MAGT1: variants seen among roughly 807,000 people sequenced by gnomAD.
MAGT1 encodes dolichyl-diphosphooligosaccharide--protein glycosyltransferase subunit MAGT1.
MAGT1 carries 4 observed loss-of-function variants against 28.4 expected under a neutral mutation model. The ratio of observed to expected loss-of-function variants is 0.14; its 90% CI spans 0.07 to 0.32. The LOEUF (loss-of-function observed/expected upper bound fraction) is 0.32, where lower values mean the gene tolerates loss of function less well. Ranked by LOEUF, MAGT1 falls within the 10% of genes least tolerant of loss-of-function variation. The pLI is 1.00. For synonymous variants in MAGT1, 89 were observed against 89.7 expected (o/e 0.99, Z 0.04); for missense variants, 193 against 264.5 (o/e 0.73, Z 1.88).
At chrX:77,845,502 C>T (rs1444934022) in intron 7 of MAGT1, among the ~76,000 whole-genome samples, 1 of 111,451 alleles carries the variant, frequency 9.0e-6, no homozygotes, top group Non-Finnish European at 1.9e-5. Flanking sequence ...GGTTATTTTG[C>T]TCGTTAGTTG....
At chrX:77,863,867 CA>C (rs1445461068) in intron 3 of MAGT1, among the ~76,000 whole-genome samples, 1 of 110,320 alleles carries the variant, frequency 9.1e-6, no homozygotes, top group Non-Finnish European at 1.9e-5. Context: ...ACTAAAAATA[CA>C]AAAAAATTAG....
At chrX:77,838,876 T>C (rs2076927156) in intron 8 of MAGT1, among the ~76,000 whole-genome samples, 1 of 111,080 alleles carries the variant, frequency 9.0e-6, no homozygotes, top group Non-Finnish European at 1.9e-5. Flanking sequence ...AAATGACTAG[T>C]AAACATTTAG....
intron 8 of MAGT1, among the ~76,000 whole-genome samples, chrX:77,839,406 C>T (rs1290242729): frequency 7.7e-5 from 8 of 104,383 alleles, no homozygotes; most frequent in Admixed American, 3.1e-4. Flanking sequence ...TGCAATGGCA[C>T]GATCTCGGCT....
chrX:77,840,000 C>T (rs1557214257), intron 8 of MAGT1, among the ~76,000 whole-genome samples: 1 of 111,135 alleles, frequency 9.0e-6, no homozygotes, highest in East Asian at 2.8e-4. Context: ...TTTAACTTGC[C>T]AAAATAATCT....
intron 1 of MAGT1, among the ~76,000 whole-genome samples, chrX:77,894,621 C>A (rs1324284485): frequency 8.9e-6 from 1 of 111,877 alleles, no homozygotes; most frequent in Non-Finnish European, 1.9e-5. Flanking sequence ...AAATCACAAA[C>A]GTTTGAAAAC....
In MAGT1 at chrX:77,832,419, A is replaced by T. The variant is rs1375443596; in HGVS notation, c.902-1524T>A. On this transcript the variant is annotated intron_variant, in intron 8 of 9. Coordinates refer to ENST00000618282, the MANE Select transcript of MAGT1 (RefSeq NM_001367916.1). Reference sequence around the variant, plus strand: ...AGCTGATAAGCTGAAAAAAAAAAAAATTGCAGAAAAAAACCCTCATGATGT... The same window carrying T: ...AGCTGATAAGCTGAAAAAAAAAAAATTTGCAGAAAAAAACCCTCATGATGT... Among the ~76,000 whole-genome samples the T allele has an allele frequency of 4.5e-5, 5 of 111,143 alleles. 1 individual carries two copies. The East Asian group carries it at 1.4e-3, about 31-fold the overall frequency.
chrX:77,884,012 G>A (rs1248795046), intron 1 of MAGT1, among the ~76,000 whole-genome samples: 3 of 110,067 alleles, frequency 2.7e-5, no homozygotes, highest in Non-Finnish European at 5.7e-5. Flanking sequence ...GGCCAACATC[G>A]TGAAACCCCG....
intron 3 of MAGT1, among the ~76,000 whole-genome samples, chrX:77,868,885 C>A (rs1557217094): frequency 3.6e-5 from 4 of 111,099 alleles, no homozygotes; most frequent in African/African-American, 1.3e-4. Flanking sequence ...GATCCAGGGC[C>A]CAGGAAAAAG....
intron 3 of MAGT1, among the ~76,000 whole-genome samples, chrX:77,864,334 T>A (rs1188394053): frequency 9.1e-6 from 1 of 110,033 alleles, no homozygotes; most frequent in Non-Finnish European, 1.9e-5. Context: ...ACTCATACAG[T>A]TAGAAGGAGT....
At chrX:77,852,235 T>A (rs1010634755) in intron 7 of MAGT1, among the ~76,000 whole-genome samples, 2 of 112,454 alleles carry the variant, frequency 1.8e-5, no homozygotes, top group Non-Finnish European at 3.8e-5. Context: ...GGACTAGGTG[T>A]ATATTGTTAA....
chrX:77,840,615 G>T (rs1432145659), intron 8 of MAGT1, among the ~76,000 whole-genome samples: 1 of 111,592 alleles, frequency 9.0e-6, no homozygotes, highest in Non-Finnish European at 1.9e-5. Context: ...GGCTGAGGTG[G>T]GAAGATCACT....
At chrX:77,829,909 T>C (rs1282736488) in intron 9 of MAGT1, among the ~76,000 whole-genome samples, 1 of 112,744 alleles carries the variant, frequency 8.9e-6, no homozygotes, top group African/African-American at 3.2e-5. Flanking sequence ...CTAGAATACA[T>C]ATGAGATTTC....
intron 1 of MAGT1, among the ~76,000 whole-genome samples, chrX:77,883,018 A>G (rs189929098): frequency 3.5e-4 from 35 of 100,889 alleles, no homozygotes; most frequent in Non-Finnish European, 2.9e-4. Context: ...ATATATATAA[A>G]TTATATATTT....
intron 1 of MAGT1, among the ~76,000 whole-genome samples, chrX:77,888,089 C>T (rs2077072337): frequency 8.9e-6 from 1 of 111,991 alleles, no homozygotes; most frequent in African/African-American, 3.2e-5. Context: ...TGATTACAGG[C>T]ATGATCGACT....
intron 2 of MAGT1, among the ~76,000 whole-genome samples, chrX:77,875,185 T>C (rs1557217684): frequency 9.0e-6 from 1 of 111,029 alleles, no homozygotes; most frequent in East Asian, 2.8e-4. Context: ...ATTTATAAGA[T>C]GACTGTTTGA....
At chrX:77,875,140 G>C in intron 2 of MAGT1, among the ~76,000 whole-genome samples, 1 of 110,644 alleles carries the variant, frequency 9.0e-6, no homozygotes, top group Non-Finnish European at 1.9e-5. Flanking sequence ...TGGGATTACA[G>C]GCATGAGCCC....
intron 3 of MAGT1, among the ~76,000 whole-genome samples, chrX:77,870,076 G>A (rs1557217208): frequency 1.8e-5 from 2 of 112,165 alleles, no homozygotes; most frequent in East Asian, 5.6e-4. Context: ...GTCATAAGAA[G>A]GAATGAAATA....
At chrX:77,872,075 C>T (rs1263457199) in intron 2 of MAGT1, among the ~76,000 whole-genome samples, 1 of 109,253 alleles carries the variant, frequency 9.2e-6, no homozygotes, top group Non-Finnish European at 1.9e-5. Flanking sequence ...GACAGTCTCG[C>T]TCTGTGGCCC....
At position 77,870,705 on chromosome X, in the gene MAGT1, A is replaced by C. The variant is rs782082218; in HGVS notation, c.390+103T>G. 30 of 591,532 alleles carry C rather than the reference A, an allele frequency of 5.1e-5. No individual in the cohort carries two copies. The South Asian group carries it at 7.4e-4, about 15-fold the overall frequency. 48.7% of individuals were successfully genotyped at this position (591,532 alleles called of 1,213,427 possible). A position where few individuals can be genotyped will look rare whatever the true frequency, so the allele number is the denominator to read the frequency against. On this transcript the variant is annotated intron_variant, in intron 3 of 9. Transcript: ENST00000618282. Reference sequence around the variant, plus strand: ...TAGTTTGCTACTCTAGATCTTACATAAGAGCAATCCCATTTAATGTCTTAT... The same window carrying C: ...TAGTTTGCTACTCTAGATCTTACATCAGAGCAATCCCATTTAATGTCTTAT...
Sources: gnomAD v4.1 joint callset for allele counts (sites outside exome capture counted in the v4.1 genomes callset) on GRCh38, gnomAD v4.1.1 for gene constraint, MANE v1.5 for transcripts, NCBI Gene and HGNC (gene_info 2026-07-23, HGNC 2026-07-21) for gene names.